ANKUB1: variants seen among roughly 807,000 people sequenced by gnomAD.
ANKUB1 encodes the protein ankyrin repeat and ubiquitin domain containing 1, also known as protein ANKUB1.
In ANKUB1, 42 loss-of-function variants were observed where a neutral mutation model predicts 49.3. The observed-to-expected ratio is 0.85, with a 90% CI of 0.67 to 1.10. The LOEUF (loss-of-function observed/expected upper bound fraction) is 1.10, where lower values mean the gene tolerates loss of function less well. Among genes scored for constraint, ANKUB1 ranks in the 50% least tolerant of loss-of-function variants. The pLI is 0.00. For missense variants in ANKUB1, 613 were observed against 642.0 expected (o/e 0.95, Z 0.49); for synonymous variants, 222 against 231.0 (o/e 0.96, Z 0.35).
chr3:149,787,367 CTCTG>C (rs1386841727), intron 2 of ANKUB1, among the ~76,000 whole-genome samples: 2 of 152,018 alleles, frequency 1.3e-5, no homozygotes, highest in Non-Finnish European at 2.9e-5. Context: ...TGATTTGGCT[CTCTG>C]TCTGTTATAG....
chr3:149,787,768 A>T (rs1718174932), intron 2 of ANKUB1, among the ~76,000 whole-genome samples: 1 of 152,216 alleles, frequency 6.6e-6, no homozygotes, highest in African/African-American at 2.4e-5. Flanking sequence ...TTAACAGTAG[A>T]TAATCTCTGT....
intron 4 of ANKUB1, among the ~76,000 whole-genome samples, 179 bp downstream of exon 4, chr3:149,770,381 C>A (rs983533619): frequency 6.6e-6 from 1 of 152,096 alleles, no homozygotes; most frequent in Non-Finnish European, 1.5e-5. Flanking sequence ...TGATGGCATC[C>A]CTGCTGTTTT....
chr3:149,782,890 CTAATTAT>C (rs1717931236), intron 2 of ANKUB1, among the ~76,000 whole-genome samples: 5 of 152,190 alleles, frequency 3.3e-5, no homozygotes, highest in African/African-American at 1.2e-4. Flanking sequence ...GAAAATATTA[CTAATTAT>C]TAATGAAGCC....
Position 149,767,468 on chromosome 3 carries a change from C to T in ANKUB1, c.1194G>A (p.Pro398=), listed in dbSNP as rs897448417. Residue 398 remains proline, a synonymous_variant, in exon 5 of 6, where the codon CCG becomes CCA. Coordinates refer to ENST00000446160, the MANE Select transcript of ANKUB1 (RefSeq NM_001144960.3). ...ATTTGAGGGCTTGTTTTCTTGTGTC[C>T]GGCTGTGAAATTGCCAAAGGATTGA... ...KPVNPLAISQ[P]DTRKQALKFH... 13 of 1,551,478 alleles carry T rather than the reference C, an allele frequency of 8.4e-6. No homozygotes were observed. The highest frequency in any genetic ancestry group is 2.7e-5 in the African/African-American group (2 of 72,988).
At chr3:149,790,680 C>G (rs1342288071) in intron 2 of ANKUB1, 101 bp downstream of exon 2, 1 of 1,211,144 alleles carries the variant, frequency 8.3e-7, no homozygotes, top group Non-Finnish European at 1.1e-6. Flanking sequence ...CAAAAAGAGA[C>G]AATTTCTTTT....
chr3:149,783,590 G>A (rs921864671), intron 2 of ANKUB1: 2 of 152,172 alleles, frequency 1.3e-5, no homozygotes, highest in Non-Finnish European at 2.9e-5. Flanking sequence ...CTGACTGAAA[G>A]AAAACAAGTT....
intron 3 of ANKUB1, among the ~76,000 whole-genome samples, chr3:149,777,671 C>T (rs932089507): frequency 1.3e-5 from 2 of 152,200 alleles, no homozygotes; most frequent in African/African-American, 4.8e-5. Flanking sequence ...TCTGTCCCTC[C>T]CTGGAATGTC....
chr3:149,767,812 G>A lies in ANKUB1; in HGVS notation c.850C>T (p.His284Tyr). The A allele has an allele frequency of 6.4e-7, 1 of 1,551,742 alleles. No individual in the cohort carries two copies. The change falls in exon 5 of 6, where the codon CAC becomes TAC. Residue 284 changes from histidine (H) to tyrosine (Y), a missense_variant. His to Tyr is a moderately conservative substitution (Grantham distance 83). Coordinates refer to ENST00000446160, the MANE Select transcript of ANKUB1 (RefSeq NM_001144960.3). Reference protein sequence around the residue: ...GQTPLTIVFKHKHKDCVLYLL... With the variant: ...GQTPLTIVFKYKHKDCVLYLL... ...TATAATACACAGTCTTTATGCTTGT[G>A]TTTGAACACAATGGTCAGGGGAGTT...
chr3:149,769,147 C>G (rs1717211046), intron 4 of ANKUB1, among the ~76,000 whole-genome samples: 1 of 152,160 alleles, frequency 6.6e-6, no homozygotes, highest in Non-Finnish European at 1.5e-5. Context: ...CCTCAGACCT[C>G]CTGGTGTGTT....
chr3:149,780,914 T>C (rs1321453026), intron 2 of ANKUB1, among the ~76,000 whole-genome samples: 1 of 152,148 alleles, frequency 6.6e-6, no homozygotes, highest in Non-Finnish European at 1.5e-5. Context: ...TTGCTTATCA[T>C]TTTGTGCTTT....
chr3:149,791,016 G>T, intron 1 of ANKUB1, 92 bp from the exon 2 acceptor site: 1 of 1,299,264 alleles, frequency 7.7e-7, no homozygotes, highest in South Asian at 1.7e-5. Context: ...TTTTTCCTCT[G>T]GGCATTATAA....
intron 2 of ANKUB1, 151 bp downstream of exon 2, chr3:149,790,630 A>G (rs1461713287): frequency 1.3e-6 from 1 of 754,436 alleles, no homozygotes; most frequent in African/African-American, 1.8e-5. Context: ...AGCACAAAGC[A>G]TGCGTAAGAC....
intron 3 of ANKUB1, among the ~76,000 whole-genome samples, chr3:149,773,218 C>A (rs920210188): frequency 2.0e-5 from 3 of 152,176 alleles, no homozygotes; most frequent in Non-Finnish European, 4.4e-5. Flanking sequence ...TATCTCCCTG[C>A]CAGTCCCTCC....
chr3:149,788,340 G>C (rs185636577), intron 2 of ANKUB1, among the ~76,000 whole-genome samples: 20 of 151,822 alleles, frequency 1.3e-4, no homozygotes, highest in African/African-American at 4.8e-4. Context: ...AACTCTGTGT[G>C]TTGTCCAGTC....
chr3:149,770,096 TTA>T (rs1454581707), intron 4 of ANKUB1, among the ~76,000 whole-genome samples: 1 of 152,222 alleles, frequency 6.6e-6, no homozygotes, highest in Non-Finnish European at 1.5e-5. Flanking sequence ...TTTCTTTTCC[TTA>T]TGATTTTCTT....
intron 3 of ANKUB1, among the ~76,000 whole-genome samples, chr3:149,778,188 C>T (rs931636591): frequency 6.6e-6 from 1 of 152,126 alleles, no homozygotes; most frequent in Admixed American, 6.5e-5. Context: ...TCCTCCCTTC[C>T]CTTTGAGGTT....
chr3:149,775,753 A>G (rs745354219), intron 3 of ANKUB1, among the ~76,000 whole-genome samples: 1 of 152,202 alleles, frequency 6.6e-6, no homozygotes, highest in Non-Finnish European at 1.5e-5. Context: ...GTTTATGAAT[A>G]TATGTGAAAT....
chr3:149,790,658 G>T, intron 2 of ANKUB1, 123 bp downstream of exon 2: 1 of 951,776 alleles, frequency 1.1e-6, no homozygotes. Flanking sequence ...ACAAATGGAA[G>T]TGAGGAGAAG....
At chr3:149,787,899 G>T (rs1029868321) in intron 2 of ANKUB1, among the ~76,000 whole-genome samples, 33 of 152,138 alleles carry the variant, frequency 2.2e-4, no homozygotes, top group African/African-American at 7.5e-4. Context: ...ATATCTACTT[G>T]TATCTTTTTA....
Sources: allele counts gnomAD v4.1 joint callset (sites outside exome capture counted in the v4.1 genomes callset), GRCh38; gene constraint gnomAD v4.1.1; transcripts MANE v1.5; gene names NCBI Gene and HGNC (gene_info 2026-07-23, HGNC 2026-07-21).